The following VTI1A variants were observed in gnomAD, a reference collection of about 807,000 sequenced individuals.
VTI1A encodes vesicle transport through interaction with t-SNAREs 1A, also known as vesicle transport through interaction with t-SNAREs homolog 1A.
In VTI1A, 22 loss-of-function variants were observed where a neutral mutation model predicts 34.9. The ratio of observed to expected loss-of-function variants is 0.63; its 90% CI spans 0.45 to 0.90. VTI1A has a LOEUF of 0.90. Ranked by LOEUF, VTI1A falls within the 40% of genes least tolerant of loss-of-function variation. The pLI is 0.00. For synonymous variants in VTI1A, 87 were observed against 97.3 expected, an observed-to-expected ratio of 0.89 and a Z score of 0.62; for missense variants, 268 against 275.6, an observed-to-expected ratio of 0.97 and a Z score of 0.20.
chr10:112,489,207 A>AACT (rs1172264487), intron 3 of VTI1A, among the ~76,000 whole-genome samples: 1 of 152,176 alleles, frequency 6.6e-6, no homozygotes, highest in Non-Finnish European at 1.5e-5. Context: ...ATACGTTGAG[A>AACT]ACTACTCGAG....
At chr10:112,838,255 G>A in the VTI1A span, among the ~76,000 whole-genome samples, 2 of 152,210 alleles carry the variant, frequency 1.3e-5, no homozygotes, top group African/African-American at 4.8e-5. Context: ...TCCCCAGGGA[G>A]GGCCTGGGAC....
intron 7 of VTI1A, among the ~76,000 whole-genome samples, chr10:112,754,830 G>T (rs1427550003): frequency 2.6e-5 from 4 of 152,158 alleles, no homozygotes; most frequent in Non-Finnish European, 5.9e-5. Context: ...AAGAGGAAAA[G>T]AATTAGTACT....
At chr10:112,833,919 G>T in the VTI1A span, among the ~76,000 whole-genome samples, 1 of 152,172 alleles carries the variant, frequency 6.6e-6, no homozygotes, top group South Asian at 2.1e-4. Context: ...GGGCTTCTGA[G>T]CCACTTCGGA....
chr10:112,656,847 G>A (rs768439342), intron 5 of VTI1A, among the ~76,000 whole-genome samples: 5 of 152,090 alleles, frequency 3.3e-5, no homozygotes, highest in Admixed American at 6.5e-5. Flanking sequence ...AGTTGGAGGT[G>A]GGCCCTGGTG....
At chr10:112,590,479 G>A (rs1844347641) in intron 5 of VTI1A, among the ~76,000 whole-genome samples, 1 of 152,076 alleles carries the variant, frequency 6.6e-6, no homozygotes, top group Non-Finnish European at 1.5e-5. Flanking sequence ...GATCCCTTGA[G>A]CCCAGGAGTT....
chr10:112,708,861 A>G (rs1849294630), intron 7 of VTI1A, among the ~76,000 whole-genome samples: 1 of 152,188 alleles, frequency 6.6e-6, no homozygotes, highest in East Asian at 1.9e-4. Flanking sequence ...TTGACAGTAA[A>G]TAGTCTCCTA....
intron 7 of VTI1A, among the ~76,000 whole-genome samples, chr10:112,799,851 A>C (rs1228049443): frequency 1.3e-5 from 2 of 152,188 alleles, no homozygotes; most frequent in Admixed American, 1.3e-4. Flanking sequence ...AGAGCAGCCC[A>C]GGGCTTAGCC....
At chr10:112,490,005 G>A (rs780439350) in intron 3 of VTI1A, among the ~76,000 whole-genome samples, 12 of 152,118 alleles carry the variant, frequency 7.9e-5, no homozygotes, top group Non-Finnish European at 1.5e-4. Context: ...TTGGGCCATT[G>A]TCATTACCTT....
chr10:112,507,180 A>G (rs1380499647), intron 3 of VTI1A, among the ~76,000 whole-genome samples: 1 of 152,144 alleles, frequency 6.6e-6, no homozygotes, highest in Non-Finnish European at 1.5e-5. Flanking sequence ...AGATGTCTTT[A>G]GGCTGGAGTT....
intron 5 of VTI1A, among the ~76,000 whole-genome samples, chr10:112,572,236 A>C (rs1312789340): frequency 6.6e-6 from 1 of 152,248 alleles, no homozygotes. Context: ...GAAAATAATT[A>C]ATCTCTCTAT....
At chr10:112,748,551 A>G (rs1043108258) in intron 7 of VTI1A, among the ~76,000 whole-genome samples, 1 of 148,074 alleles carries the variant, frequency 6.8e-6, no homozygotes, top group African/African-American at 2.5e-5. Flanking sequence ...CTGGATAATT[A>G]TACACATGTA....
chr10:112,825,474 C>T, the VTI1A span: 1 of 152,268 alleles, frequency 6.6e-6, no homozygotes, highest in Non-Finnish European at 1.5e-5. Context: ...TCCAGTACCT[C>T]GTGTGTCCTG....
rs1178998058 is a variant in VTI1A, at chr10:112,730,213, A to T, written c.560+61215A>T. 2.0e-5 allele frequency among the ~76,000 whole-genome samples: 3 copies of T among 152,224 alleles called. No individual in the cohort carries two copies. The South Asian group carries it at 6.2e-4, about 31-fold the overall frequency. On this transcript the variant is annotated intron_variant, in intron 7 of 7. Coordinates refer to ENST00000393077, the MANE Select transcript of VTI1A (RefSeq NM_145206.4). ...TTTTTAAGGGGGAGAGGTTACAGCT[A>T]CCAGCAAACCAGAGATTTCCTCCAT...
chr10:112,801,241 C>T (rs1337754249), intron 7 of VTI1A, among the ~76,000 whole-genome samples: 1 of 152,162 alleles, frequency 6.6e-6, no homozygotes, highest in East Asian at 1.9e-4. Context: ...ACACCAATCA[C>T]GTCTGCCCTG....
chr10:112,561,229 C>T (rs1851716730), intron 5 of VTI1A, among the ~76,000 whole-genome samples: 1 of 152,088 alleles, frequency 6.6e-6, no homozygotes, highest in Non-Finnish European at 1.5e-5. Context: ...AATCTAGGTT[C>T]CCTTTTTCAT....
chr10:112,622,656 G>A (rs1196369558), intron 5 of VTI1A, among the ~76,000 whole-genome samples: 1 of 152,154 alleles, frequency 6.6e-6, no homozygotes, highest in Non-Finnish European at 1.5e-5. Flanking sequence ...GAGTCAGTGT[G>A]TTCATATAAT....
intron 7 of VTI1A, chr10:112,737,477 C>A (rs948015181): frequency 2.5e-5 from 26 of 1,048,996 alleles, no homozygotes; most frequent in Admixed American, 5.5e-5. Flanking sequence ...TTTTTAAAGT[C>A]TCTTCCGCAT....
chr10:112,742,362 T>C (rs1211622281), intron 7 of VTI1A, among the ~76,000 whole-genome samples: 4 of 152,218 alleles, frequency 2.6e-5, no homozygotes, highest in Admixed American at 6.5e-5. Flanking sequence ...AACAGCTTGA[T>C]ACAGAACCCC....
intron 5 of VTI1A, among the ~76,000 whole-genome samples, chr10:112,666,634 C>T (rs1246536469): frequency 6.6e-6 from 1 of 152,078 alleles, no homozygotes; most frequent in African/African-American, 2.4e-5. Context: ...TACCCTATAG[C>T]TTCCACAACA....
Sources: gnomAD v4.1 joint callset for allele counts (sites outside exome capture counted in the v4.1 genomes callset) on GRCh38, gnomAD v4.1.1 for gene constraint, MANE v1.5 for transcripts, NCBI Gene and HGNC (gene_info 2026-07-23, HGNC 2026-07-21) for gene names.